The following NAV1 variants were observed in gnomAD, a reference collection of about 807,000 sequenced individuals.
The protein encoded by NAV1 is neuron navigator 1, also known as pore membrane and/or filament interacting like protein 3.
In NAV1, 18 loss-of-function variants were observed where a neutral mutation model predicts 175.2. The ratio of observed to expected loss-of-function variants is 0.10; its 90% CI spans 0.07 to 0.15. The LOEUF (loss-of-function observed/expected upper bound fraction) is 0.15. NAV1 is among the 10% of genes least tolerant of loss of function. The pLI, the probability that NAV1 is intolerant of heterozygous loss-of-function variation, is 1.00. For synonymous variants in NAV1, 897 were observed against 978.7 expected (o/e 0.92, Z 1.56); for missense variants, 1,731 against 2,436.6 (o/e 0.71, Z 6.10).
At chr1:201,648,108 C>G, upstream of NAV1, 2 of 297,352 alleles carry the variant, frequency 6.7e-6, no homozygotes, top group Non-Finnish European at 9.9e-6. Context: ...CCTCCCCGTG[C>G]GCACACTCGC....
chr1:201,593,664 T>C (rs983286974), intron 2 of NAV1, among the ~76,000 whole-genome samples: 1 of 152,192 alleles, frequency 6.6e-6, no homozygotes, highest in African/African-American at 2.4e-5. Context: ...CATTTGTATG[T>C]TGCAATGATT....
intron 6 of NAV1, 63 bp from the exon 11 acceptor site, chr1:201,783,343 G>T: frequency 6.8e-7 from 1 of 1,476,702 alleles, no homozygotes; most frequent in South Asian, 1.2e-5. Flanking sequence ...TTTCTTTAAG[G>T]TCCTATCTGC....
At chr1:201,803,561 T>A (rs1678073260) in intron 15 of NAV1, 32 bp from the exon 20 acceptor site, 4 of 1,607,972 alleles carry the variant, frequency 2.5e-6, no homozygotes, top group Non-Finnish European at 3.4e-6. Context: ...CTAAATCTGT[T>A]CTATGTTTTT....
chr1:201,659,428 C>T (rs546078640), intron 1 of NAV1, among the ~76,000 whole-genome samples: 3 of 152,254 alleles, frequency 2.0e-5, no homozygotes, highest in Non-Finnish European at 2.9e-5. Context: ...CCAGTGTGGG[C>T]AACAAAGCAA....
At chr1:201,739,844 C>T (rs1305759647) in intron 3 of NAV1, 1 of 1,255,556 alleles carries the variant, frequency 8.0e-7, no homozygotes, top group Admixed American at 4.2e-5. Context: ...CAGCTGGAGC[C>T]GTAAGTACAA....
At chr1:201,548,553 C>T (rs1037685932) in intron 1 of NAV1, among the ~76,000 whole-genome samples, 3 of 151,898 alleles carry the variant, frequency 2.0e-5, no homozygotes, top group Non-Finnish European at 4.4e-5. Context: ...AGAGCAAGAT[C>T]CCATCTCTTA....
At position 201,702,682 on chromosome 1, in the gene NAV1, C is replaced by CTCTCTCTT. The variant is rs1671481665; in HGVS notation, c.758-10128_758-10127insTTCTCTCT. Reference sequence around the variant, plus strand: ...ATTTTGGTATGTGAATTCTCTCTCTCTCTCTCTCTCTCTCTCTCTCTCTCT... The same window carrying CTCTCTCTT: ...ATTTTGGTATGTGAATTCTCTCTCTCTCTCTCTTTCTCTCTCTCTCTCTCTCTCTCTCT... On this transcript the variant is annotated intron_variant, in intron 1 of 29. Transcript: ENST00000367296. Among the ~76,000 whole-genome samples the CTCTCTCTT allele has an allele frequency of 1.2e-3, 93 of 76,174 alleles. 10 individuals are homozygous for CTCTCTCTT. The highest frequency in any genetic ancestry group is 3.3e-3 in the African/African-American group (89 of 26,726). The allele number at this position is 76,174 out of a possible 152,430, so 50.0% of individuals were successfully genotyped here. A position where few individuals can be genotyped will look rare whatever the true frequency, so the allele number is the denominator to read the frequency against.
intron 3 of NAV1, among the ~76,000 whole-genome samples, chr1:201,736,991 A>C (rs1571916114): frequency 1.4e-5 from 2 of 145,156 alleles, no homozygotes; most frequent in African/African-American, 5.2e-5. Flanking sequence ...CCCACCCTCC[A>C]CCTCCACTGT....
chr1:201,658,896 G>A (rs1379913072), intron 1 of NAV1, among the ~76,000 whole-genome samples: 3 of 152,220 alleles, frequency 2.0e-5, no homozygotes, highest in African/African-American at 7.2e-5. Context: ...CTCTGAGAGG[G>A]TAGGGGCACC....
At chr1:201,583,472 C>T (rs1339669176) in intron 1 of NAV1, among the ~76,000 whole-genome samples, 1 of 152,252 alleles carries the variant, frequency 6.6e-6, no homozygotes, top group Non-Finnish European at 1.5e-5. Flanking sequence ...CAGAGGCCAA[C>T]AGAGGTTGGC....
chr1:201,678,318 C>T (rs1002816278), intron 1 of NAV1, among the ~76,000 whole-genome samples: 5 of 152,214 alleles, frequency 3.3e-5, no homozygotes, highest in African/African-American at 4.8e-5. Flanking sequence ...CTGAAAGCTG[C>T]TGATAGCGCT....
intron 1 of NAV1, among the ~76,000 whole-genome samples, chr1:201,690,161 C>T (rs1670852135): frequency 7.0e-6 from 1 of 142,042 alleles, no homozygotes; most frequent in African/African-American, 2.7e-5. Context: ...TGTCTATTTC[C>T]TCTCTGGCCT....
Position 201,812,045 on chromosome 1 carries a change from A to ATT in NAV1, c.5024+71_5024+72insTT. The ATT allele has an allele frequency of 7.0e-7, 1 of 1,419,990 alleles. No homozygotes were observed. The highest frequency in any genetic ancestry group is 1.0e-6 in the Non-Finnish European group (1 of 1,003,636). The allele number at this position is 1,419,990 out of a possible 1,614,324, so 88.0% of individuals were successfully genotyped here. On this transcript the variant is annotated intron_variant, in intron 26 of 29. Transcript: ENST00000367296. The surrounding 1 kb of genome is among the most constrained non-coding windows in gnomAD (Gnocchi z 4.6). ...TCTTCAATCCTGGACTCTGGCCAGG[A>ATT]GGCAGTAGATAGGAGAAGGAAAGAG...
At chr1:201,756,612 T>C (rs192206487) in intron 3 of NAV1, among the ~76,000 whole-genome samples, 1 of 152,332 alleles carries the variant, frequency 6.6e-6, no homozygotes, top group East Asian at 1.9e-4. Flanking sequence ...ACTTCCTTGC[T>C]GCCTAGCTTT....
At chr1:201,687,642 GT>G (rs1255830443) in intron 1 of NAV1, among the ~76,000 whole-genome samples, 15 of 152,316 alleles carry the variant, frequency 9.8e-5, no homozygotes, top group African/African-American at 3.6e-4. Flanking sequence ...TCTTAGTTAA[GT>G]TTGCATATTT....
At chr1:201,675,062 C>G (rs1363715006) in intron 1 of NAV1, among the ~76,000 whole-genome samples, 1 of 151,108 alleles carries the variant, frequency 6.6e-6, no homozygotes, top group Non-Finnish European at 1.5e-5. Flanking sequence ...CTCACTATGG[C>G]AAGGATGGCA....
At chr1:201,760,427 TACCTTATTG>T (rs1202054773) in intron 3 of NAV1, among the ~76,000 whole-genome samples, 1 of 152,260 alleles carries the variant, frequency 6.6e-6, no homozygotes, top group Non-Finnish European at 1.5e-5. Flanking sequence ...CCTCATCTTT[TACCTTATTG>T]ATGACTCTCC....
At chr1:201,645,112 A>G (rs913190325), upstream of NAV1, among the ~76,000 whole-genome samples, 1 of 152,134 alleles carries the variant, frequency 6.6e-6, no homozygotes, top group African/African-American at 2.4e-5. Context: ...GTATGTTTAT[A>G]GCGGCACTAT....
intron 28 of NAV1, among the ~76,000 whole-genome samples, chr1:201,816,398 C>T (rs528772998): frequency 2.2e-4 from 34 of 152,198 alleles, no homozygotes; most frequent in African/African-American, 7.5e-4. Flanking sequence ...TAAGGTAATA[C>T]ATACGTTAAT....
Sources: gnomAD v4.1 joint callset for allele counts (sites outside exome capture counted in the v4.1 genomes callset) on GRCh38, gnomAD v4.1.1 for gene constraint, Gnocchi (gnomAD v3.1) non-coding constraint, MANE v1.5 for transcripts, NCBI Gene and HGNC (gene_info 2026-07-23, HGNC 2026-07-21) for gene names.